The following SRRM2 variants were observed in gnomAD, a reference collection of about 807,000 sequenced individuals.
SRRM2 encodes serine/arginine repetitive matrix 2.
In SRRM2, 30 loss-of-function variants were observed where a neutral mutation model predicts 213.8. The observed-to-expected ratio is 0.14, with a 90% confidence interval of 0.10 to 0.19. SRRM2 has a LOEUF of 0.19. SRRM2 is among the 10% of genes least tolerant of loss of function. SRRM2 has a pLI of 1.00. For synonymous variants in SRRM2, 2,025 were observed against 1,377.7 expected (o/e 1.47, Z -10.40); for missense variants, 4,904 against 3,647.0 (o/e 1.34, Z -8.88).
intron 1 of SRRM2, among the ~76,000 whole-genome samples, chr16:2,754,470 T>C (rs1358002985): frequency 6.6e-6 from 1 of 152,156 alleles, no homozygotes; most frequent in Non-Finnish European, 1.5e-5. Context: ...TTTTGTATTT[T>C]TGGTAGAGAT....
Position 2,769,043 on chromosome 16 carries a change from C to T in SRRM2, c.7780C>T (p.Arg2594Cys), listed in dbSNP as rs923240633. The change falls in exon 12 of 15, where the codon CGT becomes TGT. Residue 2594 changes from arginine (R) to cysteine (C), a missense_variant. Physicochemically the swap from Arg to Cys is radical, Grantham distance 180 (BLOSUM62 -3). Transcript: ENST00000301740. ...PAPKEAVREGRPPEPTPAKRK... is the reference protein window; with the variant it reads ...PAPKEAVREGCPPEPTPAKRK... ...CCCAAAGGAGGCTGTTCGAGAGGGA[C>T]GTCCTCCGGAGCCAACCCCAGCCAA... 1.3e-5 allele frequency: 21 copies of T among 1,613,974 alleles called. No individual in the cohort carries two copies. Among genetic ancestry groups the T allele is most frequent in the East Asian group, 2.2e-5 (1 of 44,890 alleles).
At chr16:2,760,698 T>A in intron 10 of SRRM2, 199 bp downstream of exon 10, 1 of 600,526 alleles carries the variant, frequency 1.7e-6, no homozygotes, top group Non-Finnish European at 2.9e-6. Flanking sequence ...CCCTTTAGAA[T>A]CAAATCTCAC....
chr16:2,760,098 G>C, intron 9 of SRRM2: 1 of 615,084 alleles, frequency 1.6e-6, no homozygotes. Flanking sequence ...GAGGGAGAAC[G>C]CTCTTTGGGA....
At position 2,769,129 on chromosome 16, in the gene SRRM2, C is replaced by T. The variant is rs983080150; in HGVS notation, c.7866C>T (p.Ser2622=). ...SSSSSSSSSS[S]SSSSSSSSSS... ...CCTCCTCTTCATCTTCCTCCTCCTC[C>T]TCCTCCTCCTCTTCTTCCTCCTCCT... Residue 2622 remains serine, a synonymous_variant, in exon 12 of 15, where the codon TCC becomes TCT. Coordinates refer to ENST00000301740, the MANE Select transcript of SRRM2 (RefSeq NM_016333.4). The T allele has an allele frequency of 2.3e-5, 37 of 1,612,888 alleles. No individual in the cohort carries two copies. The African/African-American group carries it at 3.5e-4, about 15-fold the overall frequency.
Position 2,764,538 on chromosome 16 carries a change from G to A in SRRM2, c.4010G>A (p.Gly1337Asp). 1 of 1,614,158 alleles carries A rather than the reference G, an allele frequency of 6.2e-7. No individual in the cohort carries two copies. The change falls in exon 11 of 15, where the codon GGC becomes GAC. Residue 1337 changes from glycine to aspartate, a missense_variant. By Grantham distance (94) the Gly-to-Asp change is moderately conservative. Coordinates refer to ENST00000301740, the MANE Select transcript of SRRM2 (RefSeq NM_016333.4). The stretch of plus-strand genomic sequence containing the variant: ...TCACCTTTAGAATTTAGAAACTCAG[G>A]CCCACTTGGTACAGAAATGAATACT... ...FGSPLEFRNSGPLGTEMNTGF... is the reference protein window; with the variant it reads ...FGSPLEFRNSDPLGTEMNTGF...
At position 2,767,817 on chromosome 16, in the gene SRRM2, G is replaced by T; in HGVS notation, c.7289G>T (p.Arg2430Ile). Residue 2430 changes from arginine to isoleucine, a missense_variant, in exon 11 of 15, where the codon AGA (arginine) becomes ATA (isoleucine). Coordinates refer to ENST00000301740, the MANE Select transcript of SRRM2 (RefSeq NM_016333.4). ...GAACGGGCTCCCTCCCCTTCCTCTA[G>T]AATGGGCCAGGCTCCTTCACAGTCT... The part of the protein sequence containing the change: ...TSERAPSPSS[R>I]MGQAPSQSLL... The T allele has an allele frequency of 6.2e-7, 1 of 1,613,962 alleles. No homozygotes were observed. The highest frequency in any genetic ancestry group is 8.5e-7 in the Non-Finnish European group (1 of 1,179,978).
chr16:2,770,378 A>G lies in SRRM2; in HGVS notation c.8048A>G (p.Asp2683Gly). 1 of 1,606,070 alleles carries G rather than the reference A, an allele frequency of 6.2e-7. No homozygotes were observed. Among genetic ancestry groups the G allele is most frequent in the Non-Finnish European group, 8.5e-7 (1 of 1,176,820 alleles). ...TCCCGCAGCCCCCGGAAGCCAATAG[A>G]CTCCCTCAGGGACTCTCGGTCCCTC... ...RRSRSPRKPIDSLRDSRSLSY... is the reference protein window; with the variant it reads ...RRSRSPRKPIGSLRDSRSLSY... The change falls in exon 13 of 15, where the codon GAC becomes GGC. Residue 2683 changes from aspartate (D) to glycine (G), a missense_variant. By Grantham distance (94) the Asp-to-Gly change is moderately conservative. Coordinates refer to ENST00000301740, the MANE Select transcript of SRRM2 (RefSeq NM_016333.4).
Position 2,763,608 on chromosome 16 carries a change from A to G in SRRM2, c.3080A>G (p.Gln1027Arg), listed in dbSNP as rs759921238. 2 of 1,614,114 alleles carry G rather than the reference A, an allele frequency of 1.2e-6. No individual in the cohort carries two copies. The highest frequency in any genetic ancestry group is 2.2e-5 in the East Asian group (1 of 44,874). ...PQEKSKDSLV[Q>R]SCPGSLSLCA... is the part of the protein sequence containing the mutation. ...GAGAAGTCTAAAGACTCACTAGTTCAAAGTTGCCCTGGATCCCTCTCTCTC... is the reference window on the plus strand; with the variant it reads ...GAGAAGTCTAAAGACTCACTAGTTCGAAGTTGCCCTGGATCCCTCTCTCTC... Residue 1027 changes from glutamine (Q) to arginine (R), a missense_variant, in exon 11 of 15, where the codon CAA becomes CGA. Physicochemically the swap from Gln to Arg is conservative, Grantham distance 43 (BLOSUM62 1). Transcript: ENST00000301740.
At position 2,770,385 on chromosome 16, in the gene SRRM2, C is replaced by G; in HGVS notation, c.8055C>G (p.Leu2685=). Residue 2685 remains leucine, a synonymous_variant, in exon 13 of 15, where the codon CTC becomes CTG. Transcript: ENST00000301740. Reference sequence around the variant, plus strand: ...GCCCCCGGAAGCCAATAGACTCCCTCAGGGACTCTCGGTCCCTCAGCTACT... The same window carrying G: ...GCCCCCGGAAGCCAATAGACTCCCTGAGGGACTCTCGGTCCCTCAGCTACT... ...SRSPRKPIDS[L]RDSRSLSYSP... The G allele has an allele frequency of 6.2e-7, 1 of 1,608,532 alleles. No individual in the cohort carries two copies. Among genetic ancestry groups the G allele is most frequent in the East Asian group, 2.2e-5 (1 of 44,732 alleles).
In SRRM2 at chr16:2,757,965, C is replaced by G; in HGVS notation, c.515+20C>G. ...TTACAGGTATACAAGGCCAAGAAAC[C>G]ACTGTCAGCTTCTTTTCTTGATTGT... On this transcript the variant is annotated intron_variant, in intron 4 of 14. Transcript: ENST00000301740. 1.9e-6 allele frequency: 3 copies of G among 1,594,842 alleles called. No individual in the cohort carries two copies. The highest frequency in any genetic ancestry group is 2.6e-6 in the Non-Finnish European group (3 of 1,170,926).
At position 2,770,481 on chromosome 16, in the gene SRRM2, G is replaced by C. The variant is rs1330344311; in HGVS notation, c.8135+16G>C. The C allele has an allele frequency of 1.3e-6, 2 of 1,596,066 alleles. No homozygotes were observed. Among genetic ancestry groups the C allele is most frequent in the Non-Finnish European group, 8.5e-7 (1 of 1,171,786 alleles). On this transcript the variant is annotated intron_variant, in intron 13 of 14. Coordinates refer to ENST00000301740, the MANE Select transcript of SRRM2 (RefSeq NM_016333.4). ...ACCAGCAGAGGTAAGGCCAACTGCA[G>C]GTGTCAGCACCCAGCCTGTCTGGCC...
In SRRM2 at chr16:2,767,257, C is replaced by T. The variant is rs1217905583; in HGVS notation, c.6729C>T (p.Ala2243=). 1 of 1,614,134 alleles carries T rather than the reference C, an allele frequency of 6.2e-7. No individual in the cohort carries two copies. Among genetic ancestry groups the T allele is most frequent in the Non-Finnish European group, 8.5e-7 (1 of 1,180,044 alleles). Residue 2243 remains alanine (A), a synonymous_variant, in exon 11 of 15, where the codon GCC becomes GCT. Coordinates refer to ENST00000301740, the MANE Select transcript of SRRM2 (RefSeq NM_016333.4). ...PAASAAAMNL[A]SARTPAIPTA... ...CCTCTGCGGCAGCCATGAACCTAGCCAGCGCCAGGACACCTGCCATTCCAA... is the reference window on the plus strand; with the variant it reads ...CCTCTGCGGCAGCCATGAACCTAGCTAGCGCCAGGACACCTGCCATTCCAA...
chr16:2,764,100 C>T lies in SRRM2; in HGVS notation c.3572C>T (p.Pro1191Leu), dbSNP rs777394857. The part of the protein sequence containing the change: ...PRQKDKFSPF[P>L]VQDRPESSLV... ...CAGAAAGACAAATTTAGTCCCTTTCCAGTACAGGATAGGCCTGAGTCTTCA... is the reference window on the plus strand; with the variant it reads ...CAGAAAGACAAATTTAGTCCCTTTCTAGTACAGGATAGGCCTGAGTCTTCA... The change falls in exon 11 of 15, where the codon CCA becomes CTA. Residue 1191 changes from proline to leucine, a missense_variant. By Grantham distance (98) the Pro-to-Leu change is moderately conservative (BLOSUM62 -3). Transcript: ENST00000301740. 4 of 1,614,130 alleles carry T rather than the reference C, an allele frequency of 2.5e-6. No individual in the cohort carries two copies. Among genetic ancestry groups the T allele is most frequent in the Non-Finnish European group, 2.5e-6 (3 of 1,180,024 alleles).
rs1391737550 is a variant in SRRM2 at position 2,759,878 on chromosome 16, T to G, written c.833+217T>G. On this transcript the variant is annotated intron_variant, in intron 9 of 14. Transcript: ENST00000301740. Reference sequence around the variant, plus strand: ...TGTTTTTGTTTATTTGTTATTTTTGTTTCGTTCTGATGTATATGGACTGCC... The same window carrying G: ...TGTTTTTGTTTATTTGTTATTTTTGGTTCGTTCTGATGTATATGGACTGCC... 5.2e-6 allele frequency: 3 copies of G among 574,606 alleles called. No individual in the cohort carries two copies. In the African/African-American group the frequency reaches 5.6e-5, roughly 11 times the overall value. 35.6% of individuals were successfully genotyped at this position (574,606 alleles called of 1,614,324 possible). A position where few individuals can be genotyped will look rare whatever the true frequency, so the allele number is the denominator to read the frequency against.
Position 2,766,892 on chromosome 16 carries a change from A to G in SRRM2, c.6364A>G (p.Met2122Val), listed in dbSNP as rs1410221515. 2 of 1,614,128 alleles carry G rather than the reference A, an allele frequency of 1.2e-6. No homozygotes were observed. Among genetic ancestry groups the G allele is most frequent in the Non-Finnish European group, 1.7e-6 (2 of 1,180,040 alleles). ...AATGAGCTGCTTCAGTCGTCCTAGC[A>G]TGTCCCCAACACCTCTTGATCGCTG... The part of the protein sequence containing the change: ...SRMSCFSRPS[M>V]SPTPLDRCRS... Residue 2122 changes from methionine (M) to valine (V), a missense_variant, in exon 11 of 15, where the codon ATG becomes GTG. Met to Val is a conservative substitution (Grantham distance 21). Transcript: ENST00000301740. The surrounding 1 kb of genome is among the most constrained non-coding windows in gnomAD (Gnocchi z 7.0).
At position 2,758,547 on chromosome 16, in the gene SRRM2, G is replaced by A; in HGVS notation, c.593G>A (p.Arg198His). Reference sequence around the variant, plus strand: ...AAGAAAAAGAAGAAAGATAGAGGACGGTAAGTTAGTTGGAAAGTGACTCTG... The same window carrying A: ...AAGAAAAAGAAGAAAGATAGAGGACAGTAAGTTAGTTGGAAAGTGACTCTG... The part of the protein sequence containing the change: ...KKKKKKKDRG[R>H]RSESSSPRRE... The change falls in exon 5 of 15, where the codon CGC becomes CAC. Residue 198 changes from arginine (R) to histidine (H), a missense_variant and splice_region_variant. Transcript: ENST00000301740. The A allele has an allele frequency of 1.9e-6, 3 of 1,613,782 alleles. No homozygotes were observed. Among genetic ancestry groups the A allele is most frequent in the Admixed American group, 1.7e-5 (1 of 60,016 alleles).
rs752087779 is a variant in SRRM2 at position 2,767,500 on chromosome 16, C to G, written c.6972C>G (p.Pro2324=). ...CACCACCAACTGCTGCAAACTATCC[C>G]TCCAGCTCCAGAACACCACAGGCTC... ...SGTPPTAANY[P]SSSRTPQAPA... Residue 2324 remains proline, a synonymous_variant, in exon 11 of 15, where the codon CCC becomes CCG. Transcript: ENST00000301740. The G allele has an allele frequency of 6.2e-7, 1 of 1,614,092 alleles. No homozygotes were observed. Among genetic ancestry groups the G allele is most frequent in the East Asian group, 2.2e-5 (1 of 44,900 alleles).
rs768976196 is a variant in SRRM2, at chr16:2,761,632, G to A, written c.1104G>A (p.Pro368=). 30 of 1,575,012 alleles carry A rather than the reference G, an allele frequency of 1.9e-5. No homozygotes were observed. The highest frequency in any genetic ancestry group is 1.7e-4 in the Middle Eastern group (1 of 5,844). Residue 368 remains proline (P), a synonymous_variant, in exon 11 of 15, where the codon CCG becomes CCA. Transcript: ENST00000301740. ...GCCCAGAACCACCTGCTCCCACTCC[G>A]CTCCTTGCTGAGCGACATGGCGGCT... The part of the protein sequence containing the change: ...STGPEPPAPT[P]LLAERHGGSP...
At position 2,762,323 on chromosome 16, in the gene SRRM2, C is replaced by T. The variant is rs770693737; in HGVS notation, c.1795C>T (p.Pro599Ser). 15 of 1,614,106 alleles carry T rather than the reference C, an allele frequency of 9.3e-6. No homozygotes were observed. The highest frequency in any genetic ancestry group is 1.3e-5 in the Non-Finnish European group (15 of 1,180,006). Reference sequence around the variant, plus strand: ...CAGGCGGAGATCACGATCCAGAACTCCCACCAGGCGTAGGTCTCGGTCTAG... The same window carrying T: ...CAGGCGGAGATCACGATCCAGAACTTCCACCAGGCGTAGGTCTCGGTCTAG... ...PARRRSRSRT[P>S]TRRRSRSRTP... The change falls in exon 11 of 15, where the codon CCC becomes TCC. Residue 599 changes from proline to serine, a missense_variant. By Grantham distance (74) the Pro-to-Ser change is moderately conservative (BLOSUM62 -1). Coordinates refer to ENST00000301740, the MANE Select transcript of SRRM2 (RefSeq NM_016333.4).
Sources: allele counts gnomAD v4.1 joint callset (sites outside exome capture counted in the v4.1 genomes callset), GRCh38; gene constraint gnomAD v4.1.1; non-coding constraint Gnocchi (gnomAD v3.1); transcripts MANE v1.5; gene names NCBI Gene and HGNC (gene_info 2026-07-23, HGNC 2026-07-21).